ABCC2: variants seen among roughly 807,000 people sequenced by gnomAD.
The protein encoded by ABCC2 is ATP binding cassette subfamily C member 2, also known as ATP-binding cassette sub-family C member 2.
A neutral mutation model predicts 173.4 loss-of-function variants in ABCC2; 157 were observed. The observed-to-expected ratio is 0.91, with a 90% CI of 0.80 to 1.03. ABCC2 has a LOEUF of 1.03. Among genes scored for constraint, ABCC2 ranks in the 50% least tolerant of loss-of-function variants. The pLI, the probability that ABCC2 is intolerant of heterozygous loss-of-function variation, is 0.00. For missense variants in ABCC2, 1,822 were observed against 1,852.3 expected, an observed-to-expected ratio of 0.98 and a Z score of 0.30; for synonymous variants, 657 against 693.5, an observed-to-expected ratio of 0.95 and a Z score of 0.83.
At chr10:99,821,985 T>A (rs936960601) in intron 19 of ABCC2, among the ~76,000 whole-genome samples, 1 of 152,080 alleles carries the variant, frequency 6.6e-6, no homozygotes, top group African/African-American at 2.4e-5. Flanking sequence ...GTGCTCTCCC[T>A]AGGCAAATAG....
Position 99,847,011 on chromosome 10 carries a change from C to A in ABCC2, c.4197C>A (p.Asn1399Lys), listed in dbSNP as rs773099450. ...TGAGGATGAATCTCGACCCTTTCAA[C>A]AACTACTCAGATGAGGAGATTTGGA... Reference protein sequence around the residue: ...GSLRMNLDPFNNYSDEEIWKA... With the variant: ...GSLRMNLDPFKNYSDEEIWKA... The change falls in exon 30 of 32, where the codon AAC becomes AAA. Residue 1399 changes from asparagine to lysine, a missense_variant. Transcript: ENST00000647814. 1 of 1,614,228 alleles carries A rather than the reference C, an allele frequency of 6.2e-7. No homozygotes were observed.
rs184197593 is a variant in ABCC2, at chr10:99,796,401, G to A, written c.633-696G>A. ...TGCCTGTAATTCCAGCTACTTGGGA[G>A]GCTGAGGCAGGAGAATCGCTTGAAC... On this transcript the variant is annotated intron_variant, in intron 6 of 31. Coordinates refer to ENST00000647814, the MANE Select transcript of ABCC2 (RefSeq NM_000392.5). Among the ~76,000 whole-genome samples the A allele has an allele frequency of 1.2e-3, 179 of 152,268 alleles. 1 individual carries two copies. Among genetic ancestry groups the A allele is most frequent in the African/African-American group, 4.2e-3 (175 of 41,558 alleles).
At chr10:99,847,237 T>G in intron 30 of ABCC2, 110 bp downstream of exon 30, 1 of 1,261,652 alleles carries the variant, frequency 7.9e-7, no homozygotes, top group Non-Finnish European at 1.1e-6. Flanking sequence ...CATCCAGGTC[T>G]GATTCCTAAA....
intron 13 of ABCC2, among the ~76,000 whole-genome samples, chr10:99,808,711 G>A (rs1331761703): frequency 6.6e-6 from 1 of 152,180 alleles, no homozygotes; most frequent in Non-Finnish European, 1.5e-5. Flanking sequence ...AACCTTGGAT[G>A]GACCAGAGGG....
intron 2 of ABCC2, among the ~76,000 whole-genome samples, chr10:99,786,024 G>T (rs1264337244): frequency 6.6e-6 from 1 of 152,186 alleles, no homozygotes; most frequent in South Asian, 2.1e-4. Flanking sequence ...AACAGTCTCA[G>T]AGCTTGGGAC....
At chr10:99,792,143 C>T in intron 2 of ABCC2, 91 bp from the exon 3 acceptor site, 2 of 1,509,842 alleles carry the variant, frequency 1.3e-6, no homozygotes, top group South Asian at 1.1e-5. Context: ...CACTGCATAC[C>T]GCTTTTCCTA....
At chr10:99,784,199 CA>C (rs1485097842) in intron 1 of ABCC2, among the ~76,000 whole-genome samples, 1 of 152,070 alleles carries the variant, frequency 6.6e-6, no homozygotes, top group African/African-American at 2.4e-5. Context: ...ATGGCGCCTG[CA>C]TGTTTGAATA....
chr10:99,847,438 C>T (rs2133153030), intron 30 of ABCC2, among the ~76,000 whole-genome samples: 1 of 151,076 alleles, frequency 6.6e-6, no homozygotes, highest in East Asian at 2.0e-4. Context: ...CCTGTCTCTA[C>T]TAAAAATACA....
At chr10:99,797,525 C>A in intron 7 of ABCC2, 194 bp downstream of exon 7, 1 of 593,834 alleles carries the variant, frequency 1.7e-6, no homozygotes. Context: ...TGTTCTCTTT[C>A]CTTTGGGGTA....
chr10:99,842,281 A>G (rs1368505357), intron 26 of ABCC2, among the ~76,000 whole-genome samples, 188 bp downstream of exon 26: 2 of 152,210 alleles, frequency 1.3e-5, no homozygotes, highest in Non-Finnish European at 2.9e-5. Flanking sequence ...AGTAGACATG[A>G]ATGCCATCTA....
At position 99,797,200 on chromosome 10, in the gene ABCC2, A is replaced by G. The variant is rs17222744; in HGVS notation, c.736A>G (p.Met246Val). Residue 246 changes from methionine (M) to valine (V), a missense_variant, in exon 7 of 32, where the codon ATG becomes GTG. By Grantham distance (21) the Met-to-Val change is conservative (BLOSUM62 1). Coordinates refer to ENST00000647814, the MANE Select transcript of ABCC2 (RefSeq NM_000392.5). ...ATTAGTGAGCAAGTTTGAAACGCACATGAAGAGAGAGCTGCAGAAAGCCAG... is the reference window on the plus strand; with the variant it reads ...ATTAGTGAGCAAGTTTGAAACGCACGTGAAGAGAGAGCTGCAGAAAGCCAG... ...KTLVSKFETH[M>V]KRELQKARRA... 96 of 1,614,214 alleles carry G rather than the reference A, an allele frequency of 5.9e-5. No homozygotes were observed. The highest frequency in any genetic ancestry group is 7.7e-5 in the Non-Finnish European group (91 of 1,180,030).
Position 99,819,186 on chromosome 10 carries a change from G to A in ABCC2, c.2537G>A (p.Ser846Asn). 1 of 1,614,134 alleles carries A rather than the reference G, an allele frequency of 6.2e-7. No homozygotes were observed. The highest frequency in any genetic ancestry group is 1.1e-5 in the South Asian group (1 of 91,086). The change falls in exon 19 of 32, where the codon AGT becomes AAT. Residue 846 changes from serine to asparagine, a missense_variant. Physicochemically the swap from Ser to Asn is conservative, Grantham distance 46. Transcript: ENST00000647814. ...NGTIVEKGSY[S>N]ALLAKKGEFA... is the part of the protein sequence containing the mutation. ...ACAATTGTAGAGAAAGGATCCTACA[G>A]TGCTCTCCTGGCCAAAAAAGGAGAG...
At chr10:99,826,392 A>G (rs1423875416) in intron 19 of ABCC2, among the ~76,000 whole-genome samples, 3 of 150,526 alleles carry the variant, frequency 2.0e-5, no homozygotes, top group African/African-American at 4.9e-5. Flanking sequence ...CAACTCCACT[A>G]TGACCTTACG....
rs1564682979 is a variant in ABCC2 at position 99,814,104 on chromosome 10, C to CATATATGTGTATAT, written c.2094+961_2094+962insTATATGTGTATATA. Among the ~76,000 whole-genome samples the CATATATGTGTATAT allele has an allele frequency of 8.1e-3, 1,040 of 129,018 alleles. 110 individuals carry two copies. Among genetic ancestry groups the CATATATGTGTATAT allele is most frequent in the African/African-American group, 0.029 (1,000 of 34,020 alleles). 84.6% of individuals were successfully genotyped at this position (129,018 alleles called of 152,430 possible). A position where few individuals can be genotyped will look rare whatever the true frequency, so the allele number is the denominator to read the frequency against. On this transcript the variant is annotated intron_variant, in intron 16 of 31. Coordinates refer to ENST00000647814, the MANE Select transcript of ABCC2 (RefSeq NM_000392.5). ...ATGTGTATATACACATATATATACA[C>CATATATGTGTATAT]ACATATGTGTATATACACACATATG...
At chr10:99,803,053 C>T (rs1234752905) in intron 9 of ABCC2, among the ~76,000 whole-genome samples, 29 of 152,206 alleles carry the variant, frequency 1.9e-4, no homozygotes. Flanking sequence ...ACTGCAACCT[C>T]CGCCTTCCAG....
intron 24 of ABCC2, among the ~76,000 whole-genome samples, chr10:99,835,444 C>A (rs2038805415): frequency 6.6e-6 from 1 of 152,206 alleles, no homozygotes; most frequent in East Asian, 1.9e-4. Flanking sequence ...CAAATCCTCA[C>A]AGAATCTAGT....
intron 19 of ABCC2, among the ~76,000 whole-genome samples, chr10:99,828,576 T>C (rs1363322934): frequency 2.0e-5 from 3 of 152,222 alleles, no homozygotes; most frequent in Non-Finnish European, 2.9e-5. Context: ...TGTTGCTGTT[T>C]GTTGTGGTTG....
At chr10:99,845,803 G>C in intron 29 of ABCC2, 21 bp downstream of exon 29, 1 of 1,601,838 alleles carries the variant, frequency 6.2e-7, no homozygotes, top group Non-Finnish European at 8.5e-7. Context: ...GAACTTACTC[G>C]GGCACATGCC....
intron 16 of ABCC2, 93 bp downstream of exon 16, chr10:99,813,237 T>C (rs2133049272): frequency 6.7e-7 from 1 of 1,487,928 alleles, no homozygotes; most frequent in East Asian, 2.4e-5. Context: ...TGAGGGCTAG[T>C]AGGTGAGGTC....
Sources: gnomAD v4.1 joint callset for allele counts (sites outside exome capture counted in the v4.1 genomes callset) on GRCh38, gnomAD v4.1.1 for gene constraint, MANE v1.5 for transcripts, NCBI Gene and HGNC (gene_info 2026-07-23, HGNC 2026-07-21) for gene names.